Variants in TBC1D4 observed in about 807,000 individuals in gnomAD.
The protein encoded by TBC1D4 is TBC1 domain family member 4, also known as TBC (Tre-2, BUB2, CDC16) domain-containing protein.
TBC1D4 carries 121 observed loss-of-function variants against 142.5 expected under a neutral mutation model. The observed-to-expected ratio is 0.85, with a 90% CI of 0.73 to 0.99. The LOEUF (loss-of-function observed/expected upper bound fraction) is 0.99, where lower values mean the gene tolerates loss of function less well. TBC1D4 is among the 50% of genes least tolerant of loss of function. TBC1D4 has a pLI of 0.00. For synonymous variants in TBC1D4, 630 were observed against 628.2 expected (o/e 1.00, Z -0.04); for missense variants, 1,475 against 1,606.6 (o/e 0.92, Z 1.40).
In TBC1D4 at chr13:75,362,462, T is replaced by C; in HGVS notation, c.644A>G (p.Lys215Arg). ...ATCGATGAGGCTTGAGGGGGCCTTCTTGTGGGTCACGGTCACCTTTCCACA... is the reference window on the plus strand; with the variant it reads ...ATCGATGAGGCTTGAGGGGGCCTTCCTGTGGGTCACGGTCACCTTTCCACA... ...LYCGKVTVTH[K>R]KAPSSLIDDC... The change falls in exon 2 of 21, where the codon AAG becomes AGG. Residue 215 changes from lysine (K) to arginine (R), a missense_variant. Physicochemically the swap from Lys to Arg is conservative, Grantham distance 26. Around this residue, in one of 2 missense-constraint regions of TBC1D4, gnomAD observed 1,227 missense variants for 1,267.7 expected, o/e 0.97. Coordinates refer to ENST00000377636, the MANE Select transcript of TBC1D4 (RefSeq NM_014832.5). This position sits in a 1 kb window ranked among gnomAD's most constrained non-coding sequence, Gnocchi z 4.2. 1 of 1,614,244 alleles carries C rather than the reference T, an allele frequency of 6.2e-7. No homozygotes were observed. Among genetic ancestry groups the C allele is most frequent in the Non-Finnish European group, 8.5e-7 (1 of 1,180,042 alleles).
chr13:75,382,824 C>T (rs758822867), intron 1 of TBC1D4, among the ~76,000 whole-genome samples: 29 of 152,098 alleles, frequency 1.9e-4, no homozygotes, highest in Non-Finnish European at 3.1e-4. Context: ...GATTATAATG[C>T]TGAAATTACA....
intron 1 of TBC1D4, among the ~76,000 whole-genome samples, chr13:75,376,533 A>G (rs1307421703): frequency 6.6e-6 from 1 of 152,070 alleles, no homozygotes; most frequent in East Asian, 1.9e-4. Flanking sequence ...ATGTGCCACC[A>G]TGTCTGGCTA....
intron 17 of TBC1D4, among the ~76,000 whole-genome samples, chr13:75,297,459 T>C (rs1876051154): frequency 6.6e-6 from 1 of 152,126 alleles, no homozygotes; most frequent in Non-Finnish European, 1.5e-5. Flanking sequence ...CTATCTGATA[T>C]TAAGATACAG....
chr13:75,308,957 T>A (rs998668903), intron 14 of TBC1D4, among the ~76,000 whole-genome samples: 30 of 152,186 alleles, frequency 2.0e-4, no homozygotes, highest in Admixed American at 1.3e-3. Context: ...ATAGGTGTAG[T>A]AACAAGAATC....
chr13:75,409,542 G>A (rs2138387897), intron 1 of TBC1D4, among the ~76,000 whole-genome samples: 1 of 152,220 alleles, frequency 6.6e-6, no homozygotes, highest in African/African-American at 2.4e-5. Context: ...CTGGCTAACA[G>A]ATAAATTTAA....
At position 75,289,032 on chromosome 13, in the gene TBC1D4, A is replaced by G; in HGVS notation, c.3565T>C (p.Ser1189Pro). Reference protein sequence around the residue: ...YHVLQDELQESSYSCEDSETL... With the variant: ...YHVLQDELQEPSYSCEDSETL... ...TCACTATCCTCACAGGAATATGAAG[A>G]TTCCTGAAGCTCATCCTGTAGCACA... The change falls in exon 20 of 21, where the codon TCT becomes CCT. Residue 1189 changes from serine (S) to proline (P), a missense_variant. Ser to Pro is a moderately conservative substitution (Grantham distance 74, BLOSUM62 -1). This residue lies in a region of TBC1D4 where 248 missense variants were observed against 338.9 expected (regional missense o/e 0.73). Transcript: ENST00000377636. 1 of 1,613,962 alleles carries G rather than the reference A, an allele frequency of 6.2e-7. No individual in the cohort carries two copies. Among genetic ancestry groups the G allele is most frequent in the Non-Finnish European group, 8.5e-7 (1 of 1,179,908 alleles).
chr13:75,336,791 T>A, intron 8 of TBC1D4, 130 bp downstream of exon 8: 1 of 1,191,400 alleles, frequency 8.4e-7, no homozygotes, highest in South Asian at 1.5e-5. Context: ...AAATAATTTT[T>A]AAAAGTTATC....
intron 1 of TBC1D4, among the ~76,000 whole-genome samples, chr13:75,458,838 G>A (rs188248352): frequency 9.1e-4 from 139 of 152,190 alleles, no homozygotes; most frequent in African/African-American, 3.2e-3. Flanking sequence ...CAGTGGCTAT[G>A]TGCTCTCCTG....
chr13:75,471,670 G>A lies in TBC1D4; in HGVS notation c.498+9600C>T, dbSNP rs374529901. ...GGAGAATTGCTTGAACCTGGGAGGC[G>A]GAGGTTGCAGTGAGCCGAGATTGGG... is the stretch of plus-strand genomic sequence containing the variant. On this transcript the variant is annotated intron_variant, in intron 1 of 20. Transcript: ENST00000377636. Among the ~76,000 whole-genome samples, 68 of 152,002 alleles carry A rather than the reference G, an allele frequency of 4.5e-4. No individual in the cohort carries two copies. In the East Asian group the frequency reaches 0.012, roughly 26 times the overall value.
At chr13:75,337,094 A>C in intron 7 of TBC1D4, 54 bp from the exon 8 acceptor site, 2 of 1,534,876 alleles carry the variant, frequency 1.3e-6, no homozygotes. Context: ...AGGTTAAATG[A>C]AACTTTAATT....
At chr13:75,475,910 A>T (rs141071600) in intron 1 of TBC1D4, among the ~76,000 whole-genome samples, 2 of 152,248 alleles carry the variant, frequency 1.3e-5, no homozygotes, top group East Asian at 3.9e-4. Context: ...ACATAATGAG[A>T]TATCTTAAGG....
At chr13:75,466,540 T>C (rs1239839080) in intron 1 of TBC1D4, among the ~76,000 whole-genome samples, 2 of 152,194 alleles carry the variant, frequency 1.3e-5, no homozygotes, top group East Asian at 3.8e-4. Flanking sequence ...AAGCATTTGT[T>C]GTAATTCTCT....
At chr13:75,380,952 A>G (rs997751742) in intron 1 of TBC1D4, among the ~76,000 whole-genome samples, 1 of 152,162 alleles carries the variant, frequency 6.6e-6, no homozygotes, top group African/African-American at 2.4e-5. Flanking sequence ...AGTAAGACAG[A>G]TCTGGGTTCC....
chr13:75,305,300 T>C (rs1165346132), intron 15 of TBC1D4, among the ~76,000 whole-genome samples: 1 of 152,192 alleles, frequency 6.6e-6, no homozygotes, highest in African/African-American at 2.4e-5. Flanking sequence ...AGCCTAAAAA[T>C]GGACTAGTAC....
chr13:75,299,282 T>A, intron 17 of TBC1D4, 48 bp downstream of exon 17: 1 of 1,612,096 alleles, frequency 6.2e-7, no homozygotes, highest in Non-Finnish European at 8.5e-7. Context: ...AGGGCCAGGA[T>A]TTCTGGTAAT....
intron 4 of TBC1D4, among the ~76,000 whole-genome samples, chr13:75,352,421 T>C (rs80283502): frequency 0.031 from 4,793 of 152,206 alleles, 90 homozygotes; most frequent in African/African-American, 0.048. Context: ...ATACTTTCCC[T>C]AAATATTTTG....
chr13:75,348,133 T>G (rs1881304493), intron 5 of TBC1D4, among the ~76,000 whole-genome samples: 1 of 152,152 alleles, frequency 6.6e-6, no homozygotes, highest in African/African-American at 2.4e-5. Context: ...AGAGCAAGGC[T>G]GTGCCTCAAA....
chr13:75,362,317 G>C lies in TBC1D4; in HGVS notation c.789C>G (p.Pro263=), dbSNP rs1410443007. Residue 263 remains proline, a synonymous_variant, in exon 2 of 21, where the codon CCC becomes CCG. Transcript: ENST00000377636. The surrounding 1 kb of genome is among the most constrained non-coding windows in gnomAD (Gnocchi z 4.2). ...CAGCCTCCTCCGGCAGGCAGTCTCC[G>C]GGGGACCCGGGCACCACCACCTCCA... The part of the protein sequence containing the change: ...ADLEVVVPGS[P]GDCLPEEADG... The C allele has an allele frequency of 6.2e-7, 1 of 1,613,768 alleles. No homozygotes were observed. The highest frequency in any genetic ancestry group is 1.3e-5 in the African/African-American group (1 of 74,940).
chr13:75,420,787 GAA>G (rs1321786705), intron 1 of TBC1D4, among the ~76,000 whole-genome samples: 2 of 152,174 alleles, frequency 1.3e-5, no homozygotes, highest in Non-Finnish European at 2.9e-5. Flanking sequence ...GACAGGAAGA[GAA>G]CAAGCAGTCC....
Sources: gnomAD v4.1 joint callset for allele counts (sites outside exome capture counted in the v4.1 genomes callset) on GRCh38, gnomAD v4.1.1 for gene constraint, gnomAD v4.1.1 regional missense constraint, Gnocchi (gnomAD v3.1) non-coding constraint, MANE v1.5 for transcripts, NCBI Gene and HGNC (gene_info 2026-07-23, HGNC 2026-07-21) for gene names.